The following DSC2 variants were observed in gnomAD, a reference collection of about 807,000 sequenced individuals.
DSC2 encodes desmocollin 2.
A neutral mutation model predicts 87.6 loss-of-function variants in DSC2; 51 were observed. The ratio of observed to expected loss-of-function variants is 0.58; its 90% confidence interval spans 0.46 to 0.74. DSC2 has a LOEUF of 0.74. Ranked by LOEUF, DSC2 falls within the 30% of genes least tolerant of loss-of-function variation. The pLI is 0.00. For missense variants in DSC2, 1,066 were observed against 1,089.5 expected (o/e 0.98, Z 0.30); for synonymous variants, 383 against 393.2 (o/e 0.97, Z 0.31).
chr18:31,093,840 AATTTAT>A (rs1316669380), intron 1 of DSC2, among the ~76,000 whole-genome samples, 197 bp from the exon 2 acceptor site: 2 of 149,684 alleles, frequency 1.3e-5, no homozygotes, highest in African/African-American at 2.4e-5. Context: ...TAAATACATG[AATTTAT>A]ATTTATAATT....
Position 31,071,614 on chromosome 18 carries a change from A to G in DSC2, c.2116T>C (p.Leu706=), listed in dbSNP as rs1986829654. 3.1e-6 allele frequency: 5 copies of G among 1,613,786 alleles called. No individual in the cohort carries two copies. Among genetic ancestry groups the G allele is most frequent in the Non-Finnish European group, 4.2e-6 (5 of 1,179,700 alleles). Residue 706 remains leucine (L), a synonymous_variant, in exon 13 of 16, where the codon TTG becomes CTG. Coordinates refer to ENST00000280904, the MANE Select transcript of DSC2 (RefSeq NM_024422.6). The part of the protein sequence containing the change: ...AILAILLGIA[L]LFCILFTLVC... Reference sequence around the variant, plus strand: ...AGGACTTAAGACTTACAAAAGAGCAATGCTATGCCCAACAATATTGCAAGG... The same window carrying G: ...AGGACTTAAGACTTACAAAAGAGCAGTGCTATGCCCAACAATATTGCAAGG...
chr18:31,071,135 A>G (rs948159041), intron 13 of DSC2, among the ~76,000 whole-genome samples: 1 of 151,984 alleles, frequency 6.6e-6, no homozygotes, highest in Admixed American at 6.6e-5. Context: ...TAACTAAGAC[A>G]CTAGAACTAT....
rs757329752 is a variant in DSC2, at chr18:31,091,051, G to T, written c.451C>A (p.Pro151Thr). ...ACCTGTTGAAGGAAAAGTGGAAAAG[G>T]ACCCAAGGAGTTTTCTAGCATCGAA... Reference protein sequence around the residue: ...PCSMLENSLGPFPLFLQQVQS... With the variant: ...PCSMLENSLGTFPLFLQQVQS... Residue 151 changes from proline (P) to threonine (T), a missense_variant, in exon 4 of 16, where the codon CCT (proline) becomes ACT (threonine). Coordinates refer to ENST00000280904, the MANE Select transcript of DSC2 (RefSeq NM_024422.6). 1.1e-5 allele frequency: 18 copies of T among 1,614,032 alleles called. No individual in the cohort carries two copies. The highest frequency in any genetic ancestry group is 1.4e-5 in the Non-Finnish European group (17 of 1,179,942).
chr18:31,073,170 C>T (rs1049306679), intron 12 of DSC2, among the ~76,000 whole-genome samples: 5 of 151,802 alleles, frequency 3.3e-5, no homozygotes, highest in African/African-American at 1.2e-4. Context: ...TTTAAAATAA[C>T]AAAGATGTTG....
intron 7 of DSC2, among the ~76,000 whole-genome samples, chr18:31,083,538 A>G (rs1987301870): frequency 6.6e-6 from 1 of 152,052 alleles, no homozygotes; most frequent in African/African-American, 2.4e-5. Context: ...GCCAAAGTAC[A>G]TTCTTATGTT....
chr18:31,079,511 TC>T (rs1701612992), intron 11 of DSC2, among the ~76,000 whole-genome samples: 1 of 152,178 alleles, frequency 6.6e-6, no homozygotes, highest in Non-Finnish European at 1.5e-5. Flanking sequence ...AGCCTTAGCC[TC>T]CCAAAGTGCT....
intron 1 of DSC2, among the ~76,000 whole-genome samples, chr18:31,097,287 C>CAAAAAAAAAAAAAA (rs561171723): frequency 1.4e-5 from 1 of 74,012 alleles, no homozygotes. Context: ...GACTCAGTCT[C>CAAAAAAAAAAAAAA]AAAAAAAAAA....
intron 1 of DSC2, 27 bp from the exon 2 acceptor site, chr18:31,093,670 A>T (rs756424492): frequency 6.1e-6 from 9 of 1,465,656 alleles, no homozygotes; most frequent in Non-Finnish European, 8.3e-6. Context: ...AATCAAATAA[A>T]TATTATGCAT....
chr18:31,090,747 C>A (rs1318016682), intron 4 of DSC2, among the ~76,000 whole-genome samples: 1 of 152,208 alleles, frequency 6.6e-6, no homozygotes, highest in Admixed American at 6.5e-5. Flanking sequence ...TTTGGGTTTT[C>A]TAGCTATTCT....
chr18:31,097,187 C>T (rs1041028668), intron 1 of DSC2, among the ~76,000 whole-genome samples: 3 of 150,640 alleles, frequency 2.0e-5, no homozygotes, highest in African/African-American at 7.3e-5. Flanking sequence ...ACTCGGGAGG[C>T]TGAGGGAGGA....
In DSC2 at chr18:31,059,417, ATG is replaced by A. The variant is rs1270395535; in HGVS notation, c.*8596_*8597del. ...CACATGAATGCACTCAGTTATGATA[ATG>A]TGAGATGATACAGTATTTTCTTTTT... On this transcript the variant is annotated 3_prime_UTR_variant, in exon 16 of 16. Coordinates refer to ENST00000280904, the MANE Select transcript of DSC2 (RefSeq NM_024422.6). The A allele has an allele frequency of 6.6e-6, 1 of 152,196 alleles. No individual in the cohort carries two copies. Among genetic ancestry groups the A allele is most frequent in the Non-Finnish European group, 1.5e-5 (1 of 68,034 alleles). The allele number at this position is 152,196 out of a possible 1,614,324, so 9.4% of individuals were successfully genotyped here. A position where few individuals can be genotyped will look rare whatever the true frequency, so the allele number is the denominator to read the frequency against.
chr18:31,101,860 C>G (rs777880601), intron 1 of DSC2, 43 bp downstream of exon 1: 8 of 1,521,570 alleles, frequency 5.3e-6, no homozygotes, highest in Admixed American at 2.0e-5. Context: ...GCACCCTAGG[C>G]GATCGCCCCC....
At chr18:31,069,246 T>G in intron 14 of DSC2, 95 bp from the exon 15 acceptor site, 1 of 1,493,432 alleles carries the variant, frequency 6.7e-7, no homozygotes, top group South Asian at 1.2e-5. Flanking sequence ...TTTTTTTGTG[T>G]GTATGCTAGA....
At chr18:31,069,839 AT>A (rs1236407002) in intron 14 of DSC2, among the ~76,000 whole-genome samples, 1 of 152,184 alleles carries the variant, frequency 6.6e-6, no homozygotes, top group African/African-American at 2.4e-5. Context: ...GTTTAAATTA[AT>A]TCCCTTTTAC....
chr18:31,065,174 C>T lies in DSC2; in HGVS notation c.*2841G>A, dbSNP rs1986584289. ...CTTGCTGAATACCACAAATGAGAGA[C>T]CTGGAAGCTACTATGAGCCATGAAA... On this transcript the variant is annotated 3_prime_UTR_variant, in exon 16 of 16. Coordinates refer to ENST00000280904, the MANE Select transcript of DSC2 (RefSeq NM_024422.6). The T allele has an allele frequency of 6.6e-6, 1 of 152,090 alleles. No individual in the cohort carries two copies. Among genetic ancestry groups the T allele is most frequent in the African/African-American group, 2.4e-5 (1 of 41,414 alleles). 9.4% of individuals were successfully genotyped at this position (152,090 alleles called of 1,614,324 possible). A position where few individuals can be genotyped will look rare whatever the true frequency, so the allele number is the denominator to read the frequency against.
intron 1 of DSC2, among the ~76,000 whole-genome samples, chr18:31,096,831 T>TATACC (rs1987774829): frequency 6.6e-6 from 1 of 152,046 alleles, no homozygotes; most frequent in African/African-American, 2.4e-5. Flanking sequence ...GAAGGTATAT[T>TATACC]TGCAAGAGAA....
Position 31,102,052 on chromosome 18 carries a change from C to T in DSC2, c.-81G>A. On this transcript the variant is annotated 5_prime_UTR_variant, in exon 1 of 16. Coordinates refer to ENST00000280904, the MANE Select transcript of DSC2 (RefSeq NM_024422.6). ...CGCGGGGCGAGGGCCGCGGCCGGAG[C>T]GCAGTCTGGGCCCGCTGCTCAGGAG... The T allele has an allele frequency of 8.0e-7, 1 of 1,248,722 alleles. No homozygotes were observed. The allele number at this position is 1,248,722 out of a possible 1,614,324, so 77.4% of individuals were successfully genotyped here. A position where few individuals can be genotyped will look rare whatever the true frequency, so the allele number is the denominator to read the frequency against.
rs531245154 is a variant in DSC2, at chr18:31,086,620, T to C, written c.898A>G (p.Thr300Ala). The C allele has an allele frequency of 1.1e-5, 17 of 1,614,204 alleles. No individual in the cohort carries two copies. The highest frequency in any genetic ancestry group is 4.5e-5 in the East Asian group (2 of 44,878). ...PSPTLFSMHP[T>A]TGVITTTSSQ... Reference sequence around the variant, plus strand: ...GATGTTGTGGTGATCACGCCTGTAGTTGGATGCATAGAAAATAGGGTGGGT... The same window carrying C: ...GATGTTGTGGTGATCACGCCTGTAGCTGGATGCATAGAAAATAGGGTGGGT... The change falls in exon 7 of 16, where the codon ACT (threonine) becomes GCT (alanine). Residue 300 changes from threonine to alanine, a missense_variant. By Grantham distance (58) the Thr-to-Ala change is moderately conservative (BLOSUM62 0). Coordinates refer to ENST00000280904, the MANE Select transcript of DSC2 (RefSeq NM_024422.6).
chr18:31,065,536 G>C lies in DSC2; in HGVS notation c.*2479C>G, dbSNP rs1598566786. On this transcript the variant is annotated 3_prime_UTR_variant, in exon 16 of 16. Coordinates refer to ENST00000280904, the MANE Select transcript of DSC2 (RefSeq NM_024422.6). Reference sequence around the variant, plus strand: ...GCTAGTAAGGATAGAGCCGGAATTTGCATCAAGACACTCTTACTTGGAAGT... The same window carrying C: ...GCTAGTAAGGATAGAGCCGGAATTTCCATCAAGACACTCTTACTTGGAAGT... The C allele has an allele frequency of 6.6e-6, 1 of 152,164 alleles. No homozygotes were observed. Among genetic ancestry groups the C allele is most frequent in the Non-Finnish European group, 1.5e-5 (1 of 68,040 alleles). 9.4% of individuals were successfully genotyped at this position (152,164 alleles called of 1,614,324 possible). A position where few individuals can be genotyped will look rare whatever the true frequency, so the allele number is the denominator to read the frequency against.
Sources: gnomAD v4.1 joint callset for allele counts (sites outside exome capture counted in the v4.1 genomes callset) on GRCh38, gnomAD v4.1.1 for gene constraint, MANE v1.5 for transcripts, NCBI Gene and HGNC (gene_info 2026-07-23, HGNC 2026-07-21) for gene names.